The following DOCK4 variants were observed in gnomAD, a reference collection of about 807,000 sequenced individuals.
DOCK4 encodes dedicator of cytokinesis 4.
A neutral mutation model predicts 268.1 loss-of-function variants in DOCK4; 97 were observed. The ratio of observed to expected loss-of-function variants is 0.36; its 90% CI spans 0.31 to 0.43. DOCK4 has a LOEUF of 0.43. Ranked by LOEUF, DOCK4 falls within the 20% of genes least tolerant of loss-of-function variation. The pLI is 1.00. For synonymous variants in DOCK4, 954 were observed against 887.2 expected, an observed-to-expected ratio of 1.08 and a Z score of -1.34; for missense variants, 2,145 against 2,455.7, an observed-to-expected ratio of 0.87 and a Z score of 2.67.
intron 28 of DOCK4, among the ~76,000 whole-genome samples, chr7:111,810,722 C>T (rs765266004): frequency 3.9e-4 from 59 of 151,808 alleles, no homozygotes; most frequent in African/African-American, 1.3e-3. Flanking sequence ...AAGGGCCAGG[C>T]GCGGTGACTC....
intron 1 of DOCK4, among the ~76,000 whole-genome samples, chr7:112,006,947 T>G (rs1800911970): frequency 6.6e-6 from 1 of 152,202 alleles, no homozygotes; most frequent in African/African-American, 2.4e-5. Context: ...AAATTCTCAT[T>G]AAGCTTTTTC....
chr7:111,942,726 C>T (rs1795308505), intron 10 of DOCK4, among the ~76,000 whole-genome samples: 1 of 152,152 alleles, frequency 6.6e-6, no homozygotes, highest in South Asian at 2.1e-4. Context: ...GGCTTATACT[C>T]CTGCTCTTTT....
rs1263546839 is a variant in DOCK4 at position 111,900,420 on chromosome 7, A to G, written c.1434T>C (p.Asp478=). 1.2e-6 allele frequency: 2 copies of G among 1,613,558 alleles called. No individual in the cohort carries two copies. The highest frequency in any genetic ancestry group is 1.7e-6 in the Non-Finnish European group (2 of 1,179,752). Residue 478 remains aspartate, a synonymous_variant, in exon 15 of 53, where the codon GAT becomes GAC. Coordinates refer to ENST00000428084, the MANE Select transcript of DOCK4 (RefSeq NM_001363540.2). Reference sequence around the variant, plus strand: ...AGCGGATGTGTGCACCCCGGAATTTATCCACAGGAATGGGAAGTTTCAGCA... The same window carrying G: ...AGCGGATGTGTGCACCCCGGAATTTGTCCACAGGAATGGGAAGTTTCAGCA... ...SELLKLPIPV[D]KFRGAHIRFE...
chr7:111,767,604 C>A (rs1014018070), intron 37 of DOCK4, among the ~76,000 whole-genome samples: 30 of 152,120 alleles, frequency 2.0e-4, no homozygotes, highest in African/African-American at 7.2e-4. Flanking sequence ...ATTAAAAATC[C>A]TTTGAATGCT....
At chr7:111,737,586 G>T (rs1452351060) in intron 49 of DOCK4, among the ~76,000 whole-genome samples, 2 of 152,130 alleles carry the variant, frequency 1.3e-5, no homozygotes, top group Admixed American at 1.3e-4. Flanking sequence ...TGAAATAATT[G>T]ATAGTCTACA....
At chr7:112,184,711 A>C (rs2116729239) in intron 1 of DOCK4, among the ~76,000 whole-genome samples, 1 of 152,022 alleles carries the variant, frequency 6.6e-6, no homozygotes, top group South Asian at 2.1e-4. Flanking sequence ...AGTGTGAGCT[A>C]AGTCCTTCTC....
At chr7:111,755,750 CAGTG>C in intron 41 of DOCK4, 149 bp from the exon 42 acceptor site, 1 of 693,992 alleles carries the variant, frequency 1.4e-6, no homozygotes, top group Non-Finnish European at 2.5e-6. Context: ...GAAACTATCA[CAGTG>C]AGAGATTGCT....
intron 42 of DOCK4, among the ~76,000 whole-genome samples, chr7:111,755,133 C>T (rs1327073608): frequency 6.6e-6 from 1 of 152,080 alleles, no homozygotes; most frequent in Non-Finnish European, 1.5e-5. Context: ...GAATATATAC[C>T]TCATAGCTTT....
intron 1 of DOCK4, among the ~76,000 whole-genome samples, chr7:112,073,832 C>A (rs1324284558): frequency 1.3e-5 from 2 of 151,932 alleles, no homozygotes; most frequent in Non-Finnish European, 2.9e-5. Context: ...GAAATGAGCT[C>A]TAGTATTCTG....
chr7:112,056,278 G>A (rs1407847680), intron 1 of DOCK4, among the ~76,000 whole-genome samples: 1 of 152,166 alleles, frequency 6.6e-6, no homozygotes, highest in Non-Finnish European at 1.5e-5. Context: ...ATGGTTGATA[G>A]AGTTAGGTCC....
intron 1 of DOCK4, among the ~76,000 whole-genome samples, chr7:112,066,943 G>C (rs2135641681): frequency 6.6e-6 from 1 of 150,416 alleles, no homozygotes; most frequent in South Asian, 2.1e-4. Context: ...CCAGGAGTTT[G>C]GGACCAGCCT....
chr7:111,733,205 A>G (rs1795227754), intron 51 of DOCK4, among the ~76,000 whole-genome samples: 1 of 152,198 alleles, frequency 6.6e-6, no homozygotes, highest in Admixed American at 6.5e-5. Context: ...GAAAGGCTGT[A>G]AGAAAGAAAG....
intron 1 of DOCK4, among the ~76,000 whole-genome samples, chr7:112,195,238 C>T (rs113306691): frequency 0.038 from 5,709 of 152,238 alleles, 356 homozygotes; most frequent in African/African-American, 0.13. Context: ...AAAATTGTGC[C>T]ACTGCACTCC....
intron 13 of DOCK4, among the ~76,000 whole-genome samples, chr7:111,913,557 C>G (rs1792318308): frequency 6.6e-6 from 1 of 150,746 alleles, no homozygotes; most frequent in African/African-American, 2.4e-5. Context: ...CTACAGGCGC[C>G]CGCCACCACG....
intron 12 of DOCK4, 109 bp from the exon 13 acceptor site, chr7:111,916,013 G>T: frequency 8.3e-7 from 1 of 1,206,684 alleles, no homozygotes; most frequent in Non-Finnish European, 1.2e-6. Context: ...TTTAAACTAA[G>T]GGTTAATATT....
chr7:112,013,560 C>G (rs1323096097), intron 1 of DOCK4, among the ~76,000 whole-genome samples: 4 of 152,222 alleles, frequency 2.6e-5, no homozygotes, highest in Non-Finnish European at 4.4e-5. Flanking sequence ...CCTCTCTTAT[C>G]TATGCCTTTC....
At chr7:111,962,874 T>C (rs1478685728) in intron 8 of DOCK4, among the ~76,000 whole-genome samples, 1 of 152,202 alleles carries the variant, frequency 6.6e-6, no homozygotes, top group Non-Finnish European at 1.5e-5. Flanking sequence ...TTAAGACTTT[T>C]TGTATTTAAT....
chr7:111,885,804 G>A (rs1026741578), intron 16 of DOCK4, among the ~76,000 whole-genome samples: 2 of 152,200 alleles, frequency 1.3e-5, no homozygotes, highest in Non-Finnish European at 2.9e-5. Flanking sequence ...TCTGGCCAGA[G>A]AGATGTGCTC....
At chr7:111,934,576 C>T (rs1449780614) in intron 12 of DOCK4, among the ~76,000 whole-genome samples, 1 of 140,284 alleles carries the variant, frequency 7.1e-6, no homozygotes, top group Non-Finnish European at 1.5e-5. Context: ...GTCACCCGGG[C>T]TGCAGTGCAG....
Sources: allele counts gnomAD v4.1 joint callset (sites outside exome capture counted in the v4.1 genomes callset), GRCh38; gene constraint gnomAD v4.1.1; transcripts MANE v1.5; gene names NCBI Gene and HGNC (gene_info 2026-07-23, HGNC 2026-07-21).